AIPL1: variants seen among roughly 807,000 people sequenced by gnomAD.
AIPL1 encodes aryl-hydrocarbon-interacting protein-like 1.
AIPL1 carries 23 observed loss-of-function variants against 32.9 expected under a neutral mutation model. The ratio of observed to expected loss-of-function variants is 0.70; its 90% CI spans 0.50 to 0.99. The LOEUF (loss-of-function observed/expected upper bound fraction) is 0.99. AIPL1 is among the 50% of genes least tolerant of loss of function. The pLI, the probability that AIPL1 is intolerant of heterozygous loss-of-function variation, is 0.00. For missense variants in AIPL1, 485 were observed against 506.0 expected (o/e 0.96, Z 0.40); for synonymous variants, 210 against 209.4 (o/e 1.00, Z -0.02).
chr17:6,426,716 A>G lies in AIPL1; in HGVS notation c.683T>C (p.Met228Thr), dbSNP rs963626621. Reference sequence around the variant, plus strand: ...GTAGTTGAGGATCAGAGTATTGATCATCTTCTCCAGCTTCAGCCACTGCAC... The same window carrying G: ...GTAGTTGAGGATCAGAGTATTGATCGTCTTCTCCAGCTTCAGCCACTGCAC... The part of the protein sequence containing the change: ...WEVQWLKLEK[M>T]INTLILNYCQ... The change falls in exon 5 of 6, where the codon ATG becomes ACG. Residue 228 changes from methionine (M) to threonine (T), a missense_variant. Transcript: ENST00000381129. 1.2e-6 allele frequency: 2 copies of G among 1,614,068 alleles called. No homozygotes were observed. Among genetic ancestry groups the G allele is most frequent in the Non-Finnish European group, 8.5e-7 (1 of 1,179,956 alleles).
chr17:6,433,926 T>C lies in AIPL1; in HGVS notation c.269A>G (p.Asp90Gly). The change falls in exon 2 of 6, where the codon GAC becomes GGC. Residue 90 changes from aspartate (D) to glycine (G), a missense_variant. Physicochemically the swap from Asp to Gly is moderately conservative, Grantham distance 94. Coordinates refer to ENST00000381129, the MANE Select transcript of AIPL1 (RefSeq NM_014336.5). ...RVHEVAEFWC[D>G]TIHTGVYPIL... is the part of the protein sequence containing the mutation. ...CGCGCAGGGCCTACTTACGATGGTG[T>C]CGCACCAGAACTCGGCCACCTCGTG... 1 of 1,602,966 alleles carries C rather than the reference T, an allele frequency of 6.2e-7. No homozygotes were observed.
chr17:6,428,380 C>T lies in AIPL1; in HGVS notation c.403G>A (p.Glu135Lys), dbSNP rs187653323. The T allele has an allele frequency of 5.6e-5, 90 of 1,612,596 alleles. No individual in the cohort carries two copies. In the East Asian group the frequency reaches 9.4e-4, roughly 17 times the overall value. ...NMFAYHTLGYEDLDELQKEPQ... is the reference protein window; with the variant it reads ...NMFAYHTLGYKDLDELQKEPQ... ...TCCTTCTGCAGCTCGTCCAGGTCCTCGTAGCCCAGCGTGTGGTAGGCGAAC... is the reference window on the plus strand; with the variant it reads ...TCCTTCTGCAGCTCGTCCAGGTCCTTGTAGCCCAGCGTGTGGTAGGCGAAC... The change falls in exon 3 of 6, where the codon GAG becomes AAG. Residue 135 changes from glutamate (E) to lysine (K), a missense_variant. Glu to Lys is a moderately conservative substitution (Grantham distance 56, BLOSUM62 1). Coordinates refer to ENST00000381129, the MANE Select transcript of AIPL1 (RefSeq NM_014336.5).
intron 2 of AIPL1, among the ~76,000 whole-genome samples, chr17:6,433,611 T>TCTCTCTCTCTCTCTCA (rs758622569): frequency 9.4e-6 from 1 of 106,258 alleles, no homozygotes; most frequent in African/African-American, 3.7e-5. Flanking sequence ...TCTCTCTCTC[T>TCTCTCTCTCTCTCTCA]CACACACACA....
intron 5 of AIPL1, 47 bp downstream of exon 5, chr17:6,426,568 C>T (rs748166468): frequency 3.1e-6 from 5 of 1,598,502 alleles, no homozygotes; most frequent in South Asian, 1.1e-5. Flanking sequence ...TCTCCGTGGC[C>T]CTGGGCTGGG....
Position 6,434,058 on chromosome 17 carries a change from C to T in AIPL1, c.137G>A (p.Arg46Gln), listed in dbSNP as rs755639765. 3.8e-5 allele frequency: 62 copies of T among 1,613,990 alleles called. No individual in the cohort carries two copies. The East Asian group carries it at 4.2e-4, about 11-fold the overall frequency. The change falls in exon 2 of 6, where the codon CGG (arginine) becomes CAG (glutamine). Residue 46 changes from arginine to glutamine, a missense_variant. Coordinates refer to ENST00000381129, the MANE Select transcript of AIPL1 (RefSeq NM_014336.5). The part of the protein sequence containing the change: ...HFRTMKCDEE[R>Q]TVIDDSRQVG... ...CTGCCGACTGTCGTCAATGACTGTC[C>T]GCTCCTCATCACATTTCATGGTGCG...
At chr17:6,434,737 T>C (rs898134134) in intron 1 of AIPL1, among the ~76,000 whole-genome samples, 11 of 152,124 alleles carry the variant, frequency 7.2e-5, no homozygotes, top group African/African-American at 2.7e-4. Flanking sequence ...ATACCAAGAC[T>C]CCTCGGACTC....
chr17:6,428,900 C>G (rs1324210879), intron 2 of AIPL1, among the ~76,000 whole-genome samples: 1 of 152,196 alleles, frequency 6.6e-6, no homozygotes, highest in South Asian at 2.1e-4. Flanking sequence ...CCCAGGGAAA[C>G]CCTGACCTCT....
chr17:6,428,165 A>C (rs1203950471), intron 3 of AIPL1, among the ~76,000 whole-genome samples, 153 bp downstream of exon 3: 1 of 152,040 alleles, frequency 6.6e-6, no homozygotes, highest in Non-Finnish European at 1.5e-5. Context: ...TTTTTTTCAA[A>C]TTCGTATTCT....
intron 5 of AIPL1, 137 bp from the exon 6 acceptor site, chr17:6,425,967 G>A (rs993209520): frequency 4.8e-6 from 6 of 1,246,748 alleles, no homozygotes; most frequent in African/African-American, 4.5e-5. Context: ...CCCATCCCTC[G>A]GTTTCCTCAA....
chr17:6,427,517 C>A (rs1346811369), intron 3 of AIPL1, among the ~76,000 whole-genome samples: 1 of 152,206 alleles, frequency 6.6e-6, no homozygotes, highest in Non-Finnish European at 1.5e-5. Context: ...AGCTCTCAGG[C>A]TGAGCCTCAG....
chr17:6,435,080 C>G lies in AIPL1; in HGVS notation c.25G>C (p.Val9Leu). 1 of 1,614,192 alleles carries G rather than the reference C, an allele frequency of 6.2e-7. No homozygotes were observed. Among genetic ancestry groups the G allele is most frequent in the Non-Finnish European group, 8.5e-7 (1 of 1,180,032 alleles). The change falls in exon 1 of 6, where the codon GTG becomes CTG. Residue 9 changes from valine to leucine, a missense_variant. Val to Leu is a conservative substitution (Grantham distance 32). Transcript: ENST00000381129. ...AGAATGGTTTTCTTGACCCCTTCCA[C>G]GTTCAGGAGCAGAGCGGCATCCATG... The part of the protein sequence containing the change: MDAALLLN[V>L]EGVKKTILHG...
rs1036750099 is a variant in AIPL1, at chr17:6,435,046, C to T, written c.59G>A (p.Gly20Asp). ...EGVKKTILHG[G>D]TGELPNFITG... ...GATGAAGTTTGGGAGCTCGCCCGTG[C>T]CCCCGTGCAGAATGGTTTTCTTGAC... Residue 20 changes from glycine to aspartate, a missense_variant, in exon 1 of 6, where the codon GGC becomes GAC. Gly to Asp is a moderately conservative substitution (Grantham distance 94, BLOSUM62 -1). Coordinates refer to ENST00000381129, the MANE Select transcript of AIPL1 (RefSeq NM_014336.5). 1.2e-6 allele frequency: 2 copies of T among 1,614,178 alleles called. No homozygotes were observed. Among genetic ancestry groups the T allele is most frequent in the Non-Finnish European group, 1.7e-6 (2 of 1,180,016 alleles).
chr17:6,433,611 T>TCTCTCTCTCACA (rs758622569), intron 2 of AIPL1, among the ~76,000 whole-genome samples: 17 of 106,298 alleles, frequency 1.6e-4, no homozygotes, highest in South Asian at 8.0e-4. Context: ...TCTCTCTCTC[T>TCTCTCTCTCACA]CACACACACA....
Position 6,425,525 on chromosome 17 carries a change from C to A in AIPL1, c.1090G>T (p.Ala364Ser), listed in dbSNP as rs201875142. 81 of 1,611,200 alleles carry A rather than the reference C, an allele frequency of 5.0e-5. No individual in the cohort carries two copies. Among genetic ancestry groups the A allele is most frequent in the Middle Eastern group, 3.3e-4 (2 of 6,046 alleles). The change falls in exon 6 of 6, where the codon GCA (alanine) becomes TCA (serine). Residue 364 changes from alanine (A) to serine (S), a missense_variant. Physicochemically the swap from Ala to Ser is moderately conservative, Grantham distance 99. Coordinates refer to ENST00000381129, the MANE Select transcript of AIPL1 (RefSeq NM_014336.5). Reference sequence around the variant, plus strand: ...GTGGCTGGCTCTGCAGGGGGCCCTGCGGACAGCTCTGCAGATGGTGCTGTG... The same window carrying A: ...GTGGCTGGCTCTGCAGGGGGCCCTGAGGACAGCTCTGCAGATGGTGCTGTG... Reference protein sequence around the residue: ...PPTAPSAELSAGPPAEPATEP... With the variant: ...PPTAPSAELSSGPPAEPATEP...
intron 2 of AIPL1, among the ~76,000 whole-genome samples, chr17:6,430,473 A>C (rs1027673962): frequency 6.6e-6 from 1 of 150,884 alleles, no homozygotes; most frequent in African/African-American, 2.4e-5. Flanking sequence ...AAAAAAAAAA[A>C]AAAAAAACAG....
In AIPL1 at chr17:6,434,972, TG is replaced by T. The variant is rs574534439; in HGVS notation, c.96+36del. 802 of 1,613,834 alleles carry T rather than the reference TG, an allele frequency of 5.0e-4. 6 individuals are homozygous for T. In the South Asian group the frequency reaches 6.1e-3, roughly 12 times the overall value. On this transcript the variant is annotated intron_variant, in intron 1 of 5. Transcript: ENST00000381129. The stretch of plus-strand genomic sequence containing the variant: ...ACACCTGGAATGTTGAAAGCTGCTG[TG>T]GGGGACCCTGTCTGCTCCGGAGGGG...
rs115078198 is a variant in AIPL1 at position 6,431,015 on chromosome 17, C to T, written c.277-2509G>A. Among the ~76,000 whole-genome samples, 683 of 152,298 alleles carry T rather than the reference C, an allele frequency of 4.5e-3. 7 individuals carry two copies. The highest frequency in any genetic ancestry group is 0.015 in the African/African-American group (642 of 41,554). On this transcript the variant is annotated intron_variant, in intron 2 of 5. Transcript: ENST00000381129. The stretch of plus-strand genomic sequence containing the variant: ...TGCAGCCCAGCTCTATTAGACACTG[C>T]AAGAAATGTGTGTAGGATGAAGAGG...
At chr17:6,428,222 A>G in intron 3 of AIPL1, 96 bp downstream of exon 3, 1 of 1,340,466 alleles carries the variant, frequency 7.5e-7, no homozygotes, top group Non-Finnish European at 1.1e-6. Context: ...GAAACAGGGC[A>G]CTGTCCAGTG....
chr17:6,426,377 T>A (rs1911953831), intron 5 of AIPL1: 1 of 1,423,020 alleles, frequency 7.0e-7, no homozygotes, highest in African/African-American at 1.4e-5. Flanking sequence ...AATCACAAGC[T>A]TGGCGAGCTT....
Sources: allele counts gnomAD v4.1 joint callset (sites outside exome capture counted in the v4.1 genomes callset), GRCh38; gene constraint gnomAD v4.1.1; transcripts MANE v1.5; gene names NCBI Gene and HGNC (gene_info 2026-07-23, HGNC 2026-07-21).